PDPN: variants seen among roughly 807,000 people sequenced by gnomAD.
PDPN encodes the protein PA2.26 antigen.
A neutral mutation model predicts 23.2 loss-of-function variants in PDPN; 12 were observed. The observed-to-expected ratio is 0.52, with a 90% CI of 0.33 to 0.84. The LOEUF (loss-of-function observed/expected upper bound fraction) is 0.84, where lower values mean the gene tolerates loss of function less well. PDPN is among the 40% of genes least tolerant of loss of function. The probability of loss-of-function intolerance (pLI) is 0.02; values close to 1 mark genes in which losing one functional copy is unlikely to be tolerated. For synonymous variants in PDPN, 77 were observed against 76.7 expected, an observed-to-expected ratio of 1.00 and a Z score of -0.02; for missense variants, 199 against 212.2, an observed-to-expected ratio of 0.94 and a Z score of 0.39.
At chr1:13,605,775 C>T (rs899455534) in intron 1 of PDPN, among the ~76,000 whole-genome samples, 1 of 151,864 alleles carries the variant, frequency 6.6e-6, no homozygotes, top group Non-Finnish European at 1.5e-5. Flanking sequence ...GGCATGCAAC[C>T]CCATGCCCAG....
chr1:13,585,629 G>C, intron 1 of PDPN: 1 of 1,351,968 alleles, frequency 7.4e-7, no homozygotes, highest in East Asian at 4.6e-5. Flanking sequence ...GCCGGCTCCT[G>C]AATGTCAAAG....
intron 2 of PDPN, among the ~76,000 whole-genome samples, chr1:13,608,011 A>AG (rs1441466869): frequency 6.6e-6 from 1 of 152,180 alleles, no homozygotes; most frequent in Non-Finnish European, 1.5e-5. Context: ...AGGCTGAGAC[A>AG]GGAGAATAGC....
chr1:13,605,709 A>G (rs1570045444), intron 1 of PDPN, among the ~76,000 whole-genome samples: 1 of 151,216 alleles, frequency 6.6e-6, no homozygotes, highest in African/African-American at 2.4e-5. Context: ...TGCAACCCCC[A>G]CCTCCCATGT....
chr1:13,593,675 T>C (rs955952075), intron 1 of PDPN, among the ~76,000 whole-genome samples: 1 of 152,080 alleles, frequency 6.6e-6, no homozygotes, highest in African/African-American at 2.4e-5. Flanking sequence ...GGGCTTCTTT[T>C]CTCCCTCTTG....
intron 1 of PDPN, among the ~76,000 whole-genome samples, chr1:13,598,976 G>T (rs891195930): frequency 6.7e-6 from 1 of 150,156 alleles, no homozygotes; most frequent in Non-Finnish European, 1.5e-5. Context: ...AGGGGTACTC[G>T]CTTAAATGGA....
Position 13,592,527 on chromosome 1 carries a change from A to G in PDPN, c.67+8427A>G, listed in dbSNP as rs564950328. ...GTGGGTATCCAGTGGTCAAGGTACCATTTGTTGAAAAGATGATTTTTTTTT... is the reference window on the plus strand; with the variant it reads ...GTGGGTATCCAGTGGTCAAGGTACCGTTTGTTGAAAAGATGATTTTTTTTT... On this transcript the variant is annotated intron_variant, in intron 1 of 5. Coordinates refer to ENST00000621990, the MANE Select transcript of PDPN (RefSeq NM_006474.5). Among the ~76,000 whole-genome samples the G allele has an allele frequency of 4.8e-5, 7 of 145,662 alleles. No homozygotes were observed. In the South Asian group the frequency reaches 1.5e-3, roughly 32 times the overall value.
Position 13,584,109 on chromosome 1 carries a change from C to A in PDPN, c.67+9C>A. On this transcript the variant is annotated intron_variant, in intron 1 of 5. Transcript: ENST00000621990. Reference sequence around the variant, plus strand: ...GGTCCTGGCAGAAGGAGGTAAGACCCAGCGCAAGTGGCTTCCTGCCGTCGC... The same window carrying A: ...GGTCCTGGCAGAAGGAGGTAAGACCAAGCGCAAGTGGCTTCCTGCCGTCGC... The A allele has an allele frequency of 6.2e-7, 1 of 1,612,614 alleles. No homozygotes were observed. The highest frequency in any genetic ancestry group is 8.5e-7 in the Non-Finnish European group (1 of 1,179,720).
At chr1:13,611,051 C>G (rs967288777) in intron 3 of PDPN, among the ~76,000 whole-genome samples, 1 of 152,084 alleles carries the variant, frequency 6.6e-6, no homozygotes, top group African/African-American at 2.4e-5. Flanking sequence ...GAAACCCCGT[C>G]TCTACTGAAA....
intron 3 of PDPN, among the ~76,000 whole-genome samples, chr1:13,611,227 A>AC (rs940942957): frequency 1.4e-5 from 2 of 142,216 alleles, no homozygotes; most frequent in African/African-American, 2.6e-5. Context: ...TCTCAAAAAA[A>AC]AAAACAAAAC....
chr1:13,589,944 C>A (rs1640293212), intron 1 of PDPN, among the ~76,000 whole-genome samples: 1 of 152,228 alleles, frequency 6.6e-6, no homozygotes. Flanking sequence ...TCTCCTGCCT[C>A]AGCCTCCCTA....
intron 1 of PDPN, among the ~76,000 whole-genome samples, chr1:13,605,611 C>T (rs1238227608): frequency 6.6e-6 from 1 of 152,142 alleles, no homozygotes; most frequent in Non-Finnish European, 1.5e-5. Context: ...ACTCCAATTC[C>T]CTGCTCCAGC....
rs76229970 is a variant in PDPN, at chr1:13,607,639, G to A, written c.201+333G>A. 2.6e-3 allele frequency among the ~76,000 whole-genome samples: 397 copies of A among 152,180 alleles called. 2 individuals carry two copies. The highest frequency in any genetic ancestry group is 9.2e-3 in the African/African-American group (381 of 41,516). ...AGGAGTTACTGTCTTTCCCAATTTC[G>A]TCCACTTAGCTGGTGTGCTGATCAC... On this transcript the variant is annotated intron_variant, in intron 2 of 5. Coordinates refer to ENST00000621990, the MANE Select transcript of PDPN (RefSeq NM_006474.5).
intron 1 of PDPN, among the ~76,000 whole-genome samples, chr1:13,605,523 C>T (rs1640760789): frequency 6.6e-6 from 1 of 152,174 alleles, no homozygotes; most frequent in Non-Finnish European, 1.5e-5. Flanking sequence ...TAGTTTGGGT[C>T]ACTGCAACAG....
chr1:13,584,360 C>G lies in PDPN; in HGVS notation c.67+260C>G, dbSNP rs1034847227. ...CTGCGAGGTGGGCAGCACAGGGGGC[C>G]TCCCTCCGAGTCGGCAGCACCAGAG... On this transcript the variant is annotated intron_variant, in intron 1 of 5. Coordinates refer to ENST00000621990, the MANE Select transcript of PDPN (RefSeq NM_006474.5). 4.2e-6 allele frequency: 6 copies of G among 1,437,048 alleles called. No homozygotes were observed. The African/African-American group carries it at 7.1e-5, about 17-fold the overall frequency. The allele number at this position is 1,437,048 out of a possible 1,614,324, so 89.0% of individuals were successfully genotyped here. A position where few individuals can be genotyped will look rare whatever the true frequency, so the allele number is the denominator to read the frequency against.
chr1:13,591,936 C>G lies in PDPN; in HGVS notation c.67+7836C>G, dbSNP rs182193888. 2.2e-3 allele frequency among the ~76,000 whole-genome samples: 330 copies of G among 152,342 alleles called. 1 individual carries two copies. Among genetic ancestry groups the G allele is most frequent in the African/African-American group, 7.2e-3 (301 of 41,578 alleles). The stretch of plus-strand genomic sequence containing the variant: ...TTTACAGTTCCACCAGCAATACATG[C>G]TGTTCTGGTTTCTCCACATCCCCAC... On this transcript the variant is annotated intron_variant, in intron 1 of 5. Coordinates refer to ENST00000621990, the MANE Select transcript of PDPN (RefSeq NM_006474.5).
chr1:13,613,690 A>G lies in PDPN; in HGVS notation c.335A>G (p.Lys112Arg). The change falls in exon 4 of 6, where the codon AAA (lysine) becomes AGA (arginine). Residue 112 changes from lysine (K) to arginine (R), a missense_variant. Physicochemically the swap from Lys to Arg is conservative, Grantham distance 26. Coordinates refer to ENST00000621990, the MANE Select transcript of PDPN (RefSeq NM_006474.5). ...SNVATSHSTE[K>R]VDGDTQTTVE... Reference sequence around the variant, plus strand: ...TATTATATCTTTCTATTCACAGAGAAAGTGGATGGAGACACACAGACAACA... The same window carrying G: ...TATTATATCTTTCTATTCACAGAGAGAGTGGATGGAGACACACAGACAACA... The G allele has an allele frequency of 1.4e-6, 2 of 1,427,562 alleles. No homozygotes were observed. Among genetic ancestry groups the G allele is most frequent in the Non-Finnish European group, 2.0e-6 (2 of 1,011,414 alleles). 88.4% of individuals were successfully genotyped at this position (1,427,562 alleles called of 1,614,324 possible). A position where few individuals can be genotyped will look rare whatever the true frequency, so the allele number is the denominator to read the frequency against.
intron 1 of PDPN, among the ~76,000 whole-genome samples, chr1:13,602,192 G>A (rs553844651): frequency 6.6e-6 from 1 of 152,310 alleles, no homozygotes; most frequent in Non-Finnish European, 1.5e-5. Context: ...GCCGGGTGTG[G>A]TGGTGGGCAC....
chr1:13,590,951 T>C (rs905926563), intron 1 of PDPN, among the ~76,000 whole-genome samples: 3 of 150,934 alleles, frequency 2.0e-5, no homozygotes, highest in African/African-American at 2.4e-5. Flanking sequence ...ATTTCTTTTC[T>C]TTTTTTTTCA....
At chr1:13,587,028 C>T (rs956672761) in intron 1 of PDPN, among the ~76,000 whole-genome samples, 1 of 152,124 alleles carries the variant, frequency 6.6e-6, no homozygotes, top group Non-Finnish European at 1.5e-5. Context: ...TCCAGCCTGG[C>T]AACAGAGCGA....
Sources: gnomAD v4.1 joint callset for allele counts (sites outside exome capture counted in the v4.1 genomes callset) on GRCh38, gnomAD v4.1.1 for gene constraint, MANE v1.5 for transcripts, NCBI Gene and HGNC (gene_info 2026-07-23, HGNC 2026-07-21) for gene names.